Variants in GYG2 observed in about 807,000 individuals in gnomAD.
GYG2 encodes the protein glycogenin-2.
Under a neutral mutation model 29.4 loss-of-function variants are expected in GYG2, and 29 were observed. That is an observed-to-expected ratio of 0.99 (90% CI 0.74 to 1.35). The LOEUF (loss-of-function observed/expected upper bound fraction) is 1.35. Among genes scored for constraint, GYG2 ranks in the 40% most tolerant of loss-of-function variants. The pLI is 0.00. For missense variants in GYG2, 370 were observed against 385.7 expected, an observed-to-expected ratio of 0.96 and a Z score of 0.34; for synonymous variants, 167 against 172.3, an observed-to-expected ratio of 0.97 and a Z score of 0.24.
At chrX:2,862,687 CA>C (rs1488621545) in intron 8 of GYG2, among the ~76,000 whole-genome samples, 2 of 111,543 alleles carry the variant, frequency 1.8e-5, no homozygotes, top group African/African-American at 6.5e-5. Context: ...ACCTTACTTG[CA>C]AAACAAATAA....
chrX:2,829,730 G>T (rs1159847112), intron 1 of GYG2, among the ~76,000 whole-genome samples: 2 of 108,971 alleles, frequency 1.8e-5, no homozygotes, highest in Non-Finnish European at 3.8e-5. Flanking sequence ...AGAACTCCAA[G>T]CAGGTGCGCG....
At chrX:2,850,956 A>G (rs2087858194) in intron 3 of GYG2, among the ~76,000 whole-genome samples, 1 of 111,628 alleles carries the variant, frequency 9.0e-6, no homozygotes, top group South Asian at 3.8e-4. Context: ...GAAATAGAAA[A>G]TCTGATATAT....
chrX:2,846,055 A>ATATATTTTTT, intron 3 of GYG2, among the ~76,000 whole-genome samples: 1 of 38,679 alleles, frequency 2.6e-5, no homozygotes, highest in Non-Finnish European at 4.4e-5. Flanking sequence ...ATATATATAT[A>ATATATTTTTT]TTTTTTTTTT....
In GYG2 at chrX:2,881,709, A is replaced by G. The variant is rs918298702; in HGVS notation, c.*496A>G. ...TCTGTAGGGCTAAGGAAACATTTAG[A>G]CGTGGTGACTGACTTTCATTTGGAC... is the stretch of plus-strand genomic sequence containing the variant. On this transcript the variant is annotated 3_prime_UTR_variant, in exon 11 of 11. Transcript: ENST00000398806. 8.9e-6 allele frequency: 1 copy of G among 112,057 alleles called. No individual in the cohort carries two copies. Among genetic ancestry groups the G allele is most frequent in the African/African-American group, 3.2e-5 (1 of 30,781 alleles). 9.2% of individuals were successfully genotyped at this position (112,057 alleles called of 1,213,427 possible).
At chrX:2,833,661 A>G (rs1232109280) in intron 2 of GYG2, among the ~76,000 whole-genome samples, 2 of 112,219 alleles carry the variant, frequency 1.8e-5, no homozygotes, top group Non-Finnish European at 3.8e-5. Context: ...GCGCATGGTT[A>G]TCAATCATTG....
In GYG2 at chrX:2,855,211, A is replaced by G. The variant is rs568632374; in HGVS notation, c.487+56A>G. 1.1e-4 allele frequency: 116 copies of G among 1,045,776 alleles called. No homozygotes were observed. The South Asian group carries it at 2.3e-3, about 21-fold the overall frequency. 86.2% of individuals were successfully genotyped at this position (1,045,776 alleles called of 1,213,427 possible). A position where few individuals can be genotyped will look rare whatever the true frequency, so the allele number is the denominator to read the frequency against. ...CTCTGTTGCACACACTCAACTCTGC[A>G]GATGTAACACGAAGTCAGCCGTTGA... On this transcript the variant is annotated intron_variant, in intron 5 of 10. Transcript: ENST00000398806.
intron 3 of GYG2, chrX:2,853,644 A>T (rs2087915805): frequency 5.6e-6 from 1 of 177,902 alleles, no homozygotes; most frequent in Non-Finnish European, 1.0e-5. Flanking sequence ...AATGTCATAC[A>T]AATTGTGGTG....
chrX:2,856,764 C>CTATCTATG (rs2088005092), intron 6 of GYG2, 140 bp downstream of exon 6: 1 of 379,064 alleles, frequency 2.6e-6, no homozygotes, highest in African/African-American at 3.1e-5. Context: ...ATCTATCTAT[C>CTATCTATG]TATCTATCTA....
intron 2 of GYG2, among the ~76,000 whole-genome samples, chrX:2,835,148 C>T (rs1302089500): frequency 2.7e-5 from 3 of 111,277 alleles, no homozygotes; most frequent in South Asian, 3.8e-4. Flanking sequence ...TCTGATTAGT[C>T]GAAAGAGTTA....
At chrX:2,849,826 C>A (rs892224174) in intron 3 of GYG2, among the ~76,000 whole-genome samples, 2 of 111,809 alleles carry the variant, frequency 1.8e-5, no homozygotes, top group Non-Finnish European at 3.8e-5. Flanking sequence ...CCAAGAAAGG[C>A]GAGAGTAGCC....
Position 2,877,214 on chromosome X carries a change from A to C in GYG2, c.1158A>C (p.Lys386Asn). Residue 386 changes from lysine (K) to asparagine (N), a missense_variant, in exon 10 of 11, where the codon AAA becomes AAC. Physicochemically the swap from Lys to Asn is moderately conservative, Grantham distance 94 (BLOSUM62 0). Coordinates refer to ENST00000398806, the MANE Select transcript of GYG2 (RefSeq NM_001079855.2). ...ETETILQPANKVESVSSEETF... is the reference protein window; with the variant it reads ...ETETILQPANNVESVSSEETF... ...TTATGTTTTAGCAGCCAGCAAATAA[A>C]GTCGAAAGTGTCTCATCCGAGGAAA... 3 of 1,207,829 alleles carry C rather than the reference A, an allele frequency of 2.5e-6. No homozygotes were observed. Among genetic ancestry groups the C allele is most frequent in the Non-Finnish European group, 3.4e-6 (3 of 892,202 alleles).
At chrX:2,847,233 A>G (rs1201718719) in intron 3 of GYG2, among the ~76,000 whole-genome samples, 1 of 111,615 alleles carries the variant, frequency 9.0e-6, no homozygotes, top group African/African-American at 3.3e-5. Flanking sequence ...CAGGATGTTA[A>G]TAAGGCAACT....
At chrX:2,876,571 G>A (rs2088604814) in intron 9 of GYG2, among the ~76,000 whole-genome samples, 1 of 111,727 alleles carries the variant, frequency 9.0e-6, no homozygotes, top group Non-Finnish European at 1.9e-5. Context: ...GGATGGCTCA[G>A]AAAAAGTGAG....
chrX:2,846,036 C>CACACACATATATATACACATATATAT (rs1199380183), intron 3 of GYG2, among the ~76,000 whole-genome samples: 2 of 33,056 alleles, frequency 6.1e-5, no homozygotes, highest in Admixed American at 5.0e-4. Flanking sequence ...TATATATACA[C>CACACACATATATATACACATATATAT]ATATATATAT....
intron 6 of GYG2, 55 bp downstream of exon 6, chrX:2,856,679 C>G: frequency 9.4e-7 from 1 of 1,068,360 alleles, no homozygotes; most frequent in Non-Finnish European, 1.3e-6. Flanking sequence ...GATCCACCTT[C>G]CCTCCTGGAA....
chrX:2,857,148 ATCTATCTATCTAGACCTAGATG>A (rs767919385), intron 6 of GYG2, among the ~76,000 whole-genome samples: 12,325 of 107,655 alleles, frequency 0.11, 654 homozygotes, highest in South Asian at 0.27. Context: ...GTAGATATTT[ATCTATCTATCTAGACCTAGATG>A]TCTATCTATC....
At chrX:2,841,027 GGATA>G (rs1308558662) in intron 2 of GYG2, among the ~76,000 whole-genome samples, 12 of 108,612 alleles carry the variant, frequency 1.1e-4, no homozygotes, top group Non-Finnish European at 1.7e-4. Flanking sequence ...ATAGAAGGAT[GGATA>G]GATAGATGAT....
At chrX:2,834,581 G>A (rs750808083) in intron 2 of GYG2, among the ~76,000 whole-genome samples, 1 of 111,773 alleles carries the variant, frequency 8.9e-6, no homozygotes, top group South Asian at 3.8e-4. Flanking sequence ...GACAGAGCTT[G>A]TACCTTGTCA....
chrX:2,842,952 C>T (rs1177972030), intron 2 of GYG2: 1 of 378,644 alleles, frequency 2.6e-6, no homozygotes, highest in Non-Finnish European at 4.8e-6. Flanking sequence ...GTAGCTGTAA[C>T]TGCAGGCCTG....
Sources: gnomAD v4.1 joint callset for allele counts (sites outside exome capture counted in the v4.1 genomes callset) on GRCh38, gnomAD v4.1.1 for gene constraint, MANE v1.5 for transcripts, NCBI Gene and HGNC (gene_info 2026-07-23, HGNC 2026-07-21) for gene names.